Variants in ASPRV1 observed in about 807,000 individuals in gnomAD.
ASPRV1 encodes aspartic peptidase retroviral like 1, also known as retroviral-like aspartic protease 1.
ASPRV1 carries 7 observed loss-of-function variants against 11.0 expected under a neutral mutation model. The observed-to-expected ratio is 0.64, with a 90% confidence interval of 0.36 to 1.20. The LOEUF (loss-of-function observed/expected upper bound fraction) is 1.20. ASPRV1 is among the 50% of genes most tolerant of loss of function. ASPRV1 has a pLI of 0.02. For synonymous variants in ASPRV1, 136 were observed against 138.4 expected (o/e 0.98, Z 0.12); for missense variants, 299 against 320.0 (o/e 0.93, Z 0.50).
the ASPRV1 span, among the ~76,000 whole-genome samples, chr2:69,936,808 T>C: frequency 1.9e-3 from 284 of 152,360 alleles, no homozygotes; most frequent in African/African-American, 6.2e-3. Context: ...AATTGGGACA[T>C]GTACTTGAAT....
At chr2:70,005,060 C>A in the ASPRV1 span, among the ~76,000 whole-genome samples, 4 of 151,698 alleles carry the variant, frequency 2.6e-5, no homozygotes, top group Middle Eastern at 3.4e-3. Context: ...ACTATGGTTT[C>A]TTATTATTAT....
the ASPRV1 span, among the ~76,000 whole-genome samples, chr2:70,033,866 C>T: frequency 2.0e-5 from 3 of 152,204 alleles, no homozygotes; most frequent in East Asian, 5.8e-4. Flanking sequence ...TTAAGGAAAG[C>T]AATGCTGGCC....
the ASPRV1 span, among the ~76,000 whole-genome samples, chr2:69,981,326 ATATT>A: frequency 1.3e-5 from 2 of 152,208 alleles, no homozygotes; most frequent in East Asian, 3.8e-4. Flanking sequence ...TTACATTATA[ATATT>A]TATTGACGTG....
the ASPRV1 span, among the ~76,000 whole-genome samples, chr2:70,062,487 T>C: frequency 6.6e-6 from 1 of 152,124 alleles, no homozygotes; most frequent in African/African-American, 2.4e-5. Flanking sequence ...CTCACCCTCA[T>C]GGGTAATTCT....
chr2:70,053,249 TACATATGTAAGAGCAG>T, the ASPRV1 span, among the ~76,000 whole-genome samples: 2 of 152,076 alleles, frequency 1.3e-5, no homozygotes, highest in Admixed American at 1.3e-4. Flanking sequence ...TATCTGCTCT[TACATATGTAAGAGCAG>T]ACTACACTTC....
At chr2:69,950,867 A>ATAAG in the ASPRV1 span, among the ~76,000 whole-genome samples, 2 of 146,376 alleles carry the variant, frequency 1.4e-5, no homozygotes, top group Non-Finnish European at 3.0e-5. Context: ...AAATAAATAA[A>ATAAG]TAAATAAATA....
the ASPRV1 span, among the ~76,000 whole-genome samples, chr2:70,001,923 G>A: frequency 6.6e-6 from 1 of 151,872 alleles, no homozygotes; most frequent in African/African-American, 2.4e-5. Flanking sequence ...TCATTGACAA[G>A]AAAAAATGTT....
chr2:70,042,150 A>G, the ASPRV1 span, among the ~76,000 whole-genome samples: 3 of 152,110 alleles, frequency 2.0e-5, no homozygotes, highest in African/African-American at 7.2e-5. Context: ...TATATATTCT[A>G]TTTCCCTTTT....
chr2:70,082,749 C>T, the ASPRV1 span, among the ~76,000 whole-genome samples: 4 of 151,972 alleles, frequency 2.6e-5, no homozygotes, highest in African/African-American at 9.7e-5. Context: ...TAAAAATCAG[C>T]CGGCATGGTG....
the ASPRV1 span, among the ~76,000 whole-genome samples, chr2:70,005,884 C>T: frequency 1.4e-4 from 22 of 152,198 alleles, no homozygotes; most frequent in African/African-American, 5.1e-4. Flanking sequence ...TACCACCCAC[C>T]CCTCAGCCCC....
At chr2:70,002,193 C>T in the ASPRV1 span, among the ~76,000 whole-genome samples, 4 of 152,176 alleles carry the variant, frequency 2.6e-5, no homozygotes, top group Non-Finnish European at 5.9e-5. Flanking sequence ...CCCACCTTTC[C>T]ATCTACCTGG....
At chr2:70,068,939 CTT>C in the ASPRV1 span, among the ~76,000 whole-genome samples, 1 of 86,880 alleles carries the variant, frequency 1.2e-5, no homozygotes, top group Non-Finnish European at 2.0e-5. Context: ...GAGCAAAACT[CTT>C]GTCTCAAAAA....
upstream of ASPRV1, chr2:69,964,762 C>T (rs903079189): frequency 6.5e-6 from 1 of 152,930 alleles, no homozygotes; most frequent in African/African-American, 2.4e-5. Context: ...GGGCTCCCTA[C>T]CCTCCACGCC....
At chr2:70,006,179 C>T in the ASPRV1 span, among the ~76,000 whole-genome samples, 1 of 152,312 alleles carries the variant, frequency 6.6e-6, no homozygotes, top group East Asian at 1.9e-4. Context: ...CAGACATTGC[C>T]AGGTGTCCTG....
the ASPRV1 span, among the ~76,000 whole-genome samples, chr2:70,061,989 A>T: frequency 6.8e-6 from 1 of 146,808 alleles, no homozygotes; most frequent in Admixed American, 6.8e-5. Flanking sequence ...GAGAAAATAG[A>T]TATCATAGAT....
At chr2:70,024,161 A>G in the ASPRV1 span, among the ~76,000 whole-genome samples, 1 of 152,130 alleles carries the variant, frequency 6.6e-6, no homozygotes, top group Non-Finnish European at 1.5e-5. Flanking sequence ...AAGCTTTAAA[A>G]TATAGTAAGA....
At chr2:70,024,723 G>A in the ASPRV1 span, among the ~76,000 whole-genome samples, 2 of 152,134 alleles carry the variant, frequency 1.3e-5, no homozygotes, top group Non-Finnish European at 2.9e-5. Flanking sequence ...GGTGTCATTG[G>A]GTGCCACACC....
At chr2:70,007,861 A>G in the ASPRV1 span, among the ~76,000 whole-genome samples, 1 of 152,092 alleles carries the variant, frequency 6.6e-6, no homozygotes, top group South Asian at 2.1e-4. Context: ...AGCGACAAAG[A>G]GTCTCACTTT....
chr2:70,009,416 G>A, the ASPRV1 span, among the ~76,000 whole-genome samples: 44 of 151,998 alleles, frequency 2.9e-4, no homozygotes, highest in African/African-American at 1.0e-3. Context: ...TGCAACCTCC[G>A]CCTCCTGGGT....
Sources: allele counts gnomAD v4.1 joint callset (sites outside exome capture counted in the v4.1 genomes callset), GRCh38; gene constraint gnomAD v4.1.1; transcripts MANE v1.5; gene names NCBI Gene and HGNC (gene_info 2026-07-23, HGNC 2026-07-21).